The following HAT1 variants were observed in gnomAD, a reference collection of about 807,000 sequenced individuals.
HAT1 encodes the protein histone acetyltransferase 1.
In HAT1, 20 loss-of-function variants were observed where a neutral mutation model predicts 56.6. The observed-to-expected ratio is 0.35, with a 90% confidence interval of 0.25 to 0.51. The LOEUF (loss-of-function observed/expected upper bound fraction) is 0.51, where lower values mean the gene tolerates loss of function less well. Ranked by LOEUF, HAT1 falls within the 20% of genes least tolerant of loss-of-function variation. HAT1 has a pLI of 0.95. For missense variants in HAT1, 408 were observed against 504.3 expected, an observed-to-expected ratio of 0.81 and a Z score of 1.83; for synonymous variants, 146 against 165.5, an observed-to-expected ratio of 0.88 and a Z score of 0.91.
chr2:171,981,358 C>A (rs1688130187), intron 10 of HAT1, among the ~76,000 whole-genome samples: 1 of 152,094 alleles, frequency 6.6e-6, no homozygotes, highest in Non-Finnish European at 1.5e-5. Context: ...CAAGTTGATT[C>A]TACATTACAA....
chr2:171,955,784 C>T (rs1458828913), intron 4 of HAT1, among the ~76,000 whole-genome samples: 2 of 152,034 alleles, frequency 1.3e-5, no homozygotes, highest in Non-Finnish European at 2.9e-5. Flanking sequence ...TTGGCTCATG[C>T]CTATAATCCC....
intron 3 of HAT1, among the ~76,000 whole-genome samples, chr2:171,948,554 C>T (rs750141372): frequency 4.6e-5 from 7 of 152,136 alleles, no homozygotes; most frequent in African/African-American, 7.2e-5. Flanking sequence ...ATATACAGCT[C>T]ATGTTTCAGA....
rs539033870 is a variant in HAT1 at position 171,923,625 on chromosome 2, A to G, written c.7+1118A>G. The G allele has an allele frequency of 3.3e-5, 5 of 152,292 alleles. No individual in the cohort carries two copies. The East Asian group carries it at 7.7e-4, about 24-fold the overall frequency. The allele number at this position is 152,292 out of a possible 1,614,324, so 9.4% of individuals were successfully genotyped here. ...AGGGCATTCCTCATAGTCTCTCTAC[A>G]TTAACCATTCCATTTTTATGAATAT... is the stretch of plus-strand genomic sequence containing the variant. On this transcript the variant is annotated intron_variant, in intron 1 of 10. Coordinates refer to ENST00000264108, the MANE Select transcript of HAT1 (RefSeq NM_003642.4).
intron 10 of HAT1, among the ~76,000 whole-genome samples, chr2:171,981,905 A>G (rs1339096668): frequency 6.6e-6 from 1 of 152,196 alleles, no homozygotes; most frequent in African/African-American, 2.4e-5. Context: ...AAATGTCTTA[A>G]TGATGAAATT....
At chr2:171,925,757 G>T (rs1360412862) in intron 2 of HAT1, 116 bp downstream of exon 2, 3 of 563,758 alleles carry the variant, frequency 5.3e-6, no homozygotes, top group Non-Finnish European at 6.4e-6. Flanking sequence ...CAAATGTATG[G>T]TTTTCTGCAT....
At chr2:171,953,655 AT>A (rs1687369288) in intron 4 of HAT1, among the ~76,000 whole-genome samples, 1 of 138,492 alleles carries the variant, frequency 7.2e-6, no homozygotes, top group Admixed American at 7.3e-5. Flanking sequence ...AAAAAAAAAA[AT>A]TAAGGTTTGA....
intron 4 of HAT1, among the ~76,000 whole-genome samples, chr2:171,954,112 C>A (rs1018407061): frequency 6.6e-6 from 1 of 152,158 alleles, no homozygotes; most frequent in African/African-American, 2.4e-5. Context: ...CCTGCATGGA[C>A]CTTCTTCATA....
chr2:171,929,535 T>C (rs1340333108), intron 2 of HAT1, among the ~76,000 whole-genome samples: 1 of 152,218 alleles, frequency 6.6e-6, no homozygotes, highest in African/African-American at 2.4e-5. Context: ...CCTAATATCT[T>C]TGTCTACCCC....
In HAT1 at chr2:171,953,950, G is replaced by A. The variant is rs574111782; in HGVS notation, c.309+949G>A. 8.5e-5 allele frequency among the ~76,000 whole-genome samples: 13 copies of A among 152,182 alleles called. No homozygotes were observed. In the South Asian group the frequency reaches 1.9e-3, roughly 22 times the overall value. On this transcript the variant is annotated intron_variant, in intron 4 of 10. Transcript: ENST00000264108. Reference sequence around the variant, plus strand: ...GCAGAGGTTGCAGTGAGTTGAGATCGTGCCACTGCACTGCAGCCTGGGTGA... The same window carrying A: ...GCAGAGGTTGCAGTGAGTTGAGATCATGCCACTGCACTGCAGCCTGGGTGA...
chr2:171,938,024 T>TTCTCTC (rs374402453), intron 2 of HAT1, among the ~76,000 whole-genome samples: 7,627 of 104,530 alleles, frequency 0.073, 493 homozygotes, highest in Admixed American at 0.098. Flanking sequence ...TGTCTACTGA[T>TTCTCTC]TCTCTCTCTC....
rs764007981 is a variant in HAT1 at position 171,922,473 on chromosome 2, C to T, written c.-28C>T. On this transcript the variant is annotated 5_prime_UTR_variant, in exon 1 of 11. Coordinates refer to ENST00000264108, the MANE Select transcript of HAT1 (RefSeq NM_003642.4). ...GAGCGCGCGGGTTGATTCGTCCTTC[C>T]TCAGCCGCGGGTGATCGTAGCTCGG... is the stretch of plus-strand genomic sequence containing the variant. 18 of 1,318,686 alleles carry T rather than the reference C, an allele frequency of 1.4e-5. No individual in the cohort carries two copies. The highest frequency in any genetic ancestry group is 1.7e-5 in the Non-Finnish European group (17 of 1,024,402). 81.7% of individuals were successfully genotyped at this position (1,318,686 alleles called of 1,614,324 possible).
chr2:171,939,753 G>A (rs1054895338), intron 2 of HAT1, among the ~76,000 whole-genome samples: 3 of 151,694 alleles, frequency 2.0e-5, no homozygotes, highest in African/African-American at 7.3e-5. Flanking sequence ...CTCAATGGAT[G>A]AAATAGTGCG....
At chr2:171,943,041 AT>A (rs1687058045) in intron 2 of HAT1, among the ~76,000 whole-genome samples, 1 of 150,818 alleles carries the variant, frequency 6.6e-6, no homozygotes, top group Non-Finnish European at 1.5e-5. Flanking sequence ...GTAGTTGTGA[AT>A]TTTTAGGTTA....
intron 4 of HAT1, among the ~76,000 whole-genome samples, chr2:171,962,084 A>C (rs764661346): frequency 4.6e-5 from 7 of 152,134 alleles, no homozygotes; most frequent in Non-Finnish European, 1.0e-4. Flanking sequence ...TTGGGTTTTC[A>C]AATGTGTATA....
Position 171,934,754 on chromosome 2 carries a change from G to GTT in HAT1, c.112+9130_112+9131dup, listed in dbSNP as rs71013091. 0.036 allele frequency among the ~76,000 whole-genome samples: 4,600 copies of GTT among 128,320 alleles called. 658 individuals carry two copies. The East Asian group carries it at 0.53, about 15-fold the overall frequency. 84.2% of individuals were successfully genotyped at this position (128,320 alleles called of 152,430 possible). A position where few individuals can be genotyped will look rare whatever the true frequency, so the allele number is the denominator to read the frequency against. ...ATATAGTTAAATTTAACTAGAGTGG[G>GTT]TTTTTTTTTTTTTTTTTTGAGACAG... On this transcript the variant is annotated intron_variant, in intron 2 of 10. Transcript: ENST00000264108.
intron 10 of HAT1, chr2:171,979,934 T>C (rs1206402384): frequency 6.6e-6 from 1 of 152,364 alleles, no homozygotes; most frequent in Non-Finnish European, 1.5e-5. Flanking sequence ...CTGGCCAACA[T>C]GGCGAAACCC....
chr2:171,940,366 A>T (rs1261956386), intron 2 of HAT1, among the ~76,000 whole-genome samples: 1 of 152,120 alleles, frequency 6.6e-6, no homozygotes, highest in Non-Finnish European at 1.5e-5. Flanking sequence ...AACCCTCTCT[A>T]ACAATTGTGC....
At chr2:171,968,906 C>T (rs1348249042) in intron 8 of HAT1, among the ~76,000 whole-genome samples, 1 of 152,080 alleles carries the variant, frequency 6.6e-6, no homozygotes, top group Admixed American at 6.6e-5. Context: ...TTGAGATGGC[C>T]TTTTGCTTAC....
chr2:171,947,999 C>A (rs1687214013), intron 3 of HAT1, among the ~76,000 whole-genome samples: 1 of 152,170 alleles, frequency 6.6e-6, no homozygotes, highest in Non-Finnish European at 1.5e-5. Context: ...ATTTTGAAAA[C>A]ATTGCACATT....
Sources: allele counts gnomAD v4.1 joint callset (sites outside exome capture counted in the v4.1 genomes callset), GRCh38; gene constraint gnomAD v4.1.1; transcripts MANE v1.5; gene names NCBI Gene and HGNC (gene_info 2026-07-23, HGNC 2026-07-21).